Variants in IGSF5 observed in about 807,000 individuals in gnomAD.
IGSF5 encodes the protein immunoglobulin superfamily 5 like.
Under a neutral mutation model 39.4 loss-of-function variants are expected in IGSF5, and 41 were observed. The observed-to-expected ratio is 1.04, with a 90% CI of 0.81 to 1.35. IGSF5 has a LOEUF of 1.35. IGSF5 is among the 40% of genes most tolerant of loss of function. IGSF5 has a pLI of 0.00. For missense variants in IGSF5, 487 were observed against 494.6 expected (o/e 0.98, Z 0.15); for synonymous variants, 183 against 175.3 (o/e 1.04, Z -0.34).
chr21:39,720,948 A>G, the IGSF5 span, among the ~76,000 whole-genome samples: 313 of 152,318 alleles, frequency 2.1e-3, no homozygotes, highest in African/African-American at 6.8e-3. Context: ...AAAACCAACC[A>G]CAGCCACCCA....
At chr21:39,784,597 G>A (rs1037706409) in intron 5 of IGSF5, among the ~76,000 whole-genome samples, 3 of 152,156 alleles carry the variant, frequency 2.0e-5, no homozygotes, top group East Asian at 3.9e-4. Flanking sequence ...TTATAAGAGT[G>A]AACTGTCACC....
chr21:39,797,854 T>C (rs1041349278), intron 8 of IGSF5, among the ~76,000 whole-genome samples: 1 of 152,178 alleles, frequency 6.6e-6, no homozygotes, highest in Non-Finnish European at 1.5e-5. Context: ...CAATCAGTTA[T>C]GACAAAAATA....
At chr21:39,776,341 G>A (rs1333091708) in intron 4 of IGSF5, among the ~76,000 whole-genome samples, 2 of 151,986 alleles carry the variant, frequency 1.3e-5, no homozygotes, top group African/African-American at 4.8e-5. Flanking sequence ...GTGGATTAAA[G>A]GGAGACTTCA....
chr21:39,748,301 CTTTTTTTTTTTTTTTT>C (rs60669244), intron 2 of IGSF5, among the ~76,000 whole-genome samples: 2 of 58,216 alleles, frequency 3.4e-5, no homozygotes, highest in Non-Finnish European at 6.1e-5. Flanking sequence ...AAAACAAGAT[CTTTTTTTTTTTTTTTT>C]TTTTTTTTTT....
the IGSF5 span, among the ~76,000 whole-genome samples, chr21:39,718,754 T>C: frequency 6.6e-6 from 1 of 152,246 alleles, no homozygotes; most frequent in Admixed American, 6.5e-5. Context: ...GGTTTGCAAG[T>C]ACTTTGTTGA....
the IGSF5 span, chr21:39,729,363 G>C: frequency 6.6e-6 from 1 of 152,286 alleles, no homozygotes; most frequent in Admixed American, 6.5e-5. Flanking sequence ...TTCAAGGGGT[G>C]AGGTGAGGGG....
At chr21:39,775,504 T>G (rs2080135171) in intron 4 of IGSF5, among the ~76,000 whole-genome samples, 1 of 152,208 alleles carries the variant, frequency 6.6e-6, no homozygotes, top group South Asian at 2.1e-4. Context: ...TTTAAGAAAT[T>G]CTATACCTTT....
chr21:39,757,177 C>G (rs576267506), intron 2 of IGSF5, among the ~76,000 whole-genome samples: 223 of 152,280 alleles, frequency 1.5e-3, no homozygotes, highest in African/African-American at 5.3e-3. Flanking sequence ...TCTGACTACC[C>G]TGTTTGAAGT....
chr21:39,745,609 GA>G, intron 1 of IGSF5, 83 bp downstream of exon 1: 1 of 696,962 alleles, frequency 1.4e-6, no homozygotes, highest in Non-Finnish European at 2.6e-6. Flanking sequence ...GGGAGGTTGG[GA>G]CGACAGCTTT....
the IGSF5 span, among the ~76,000 whole-genome samples, chr21:39,740,028 G>A: frequency 6.6e-6 from 1 of 152,258 alleles, no homozygotes; most frequent in South Asian, 2.1e-4. Flanking sequence ...TGAAAGTTTT[G>A]GTGAGTGGTT....
chr21:39,768,411 A>G lies in IGSF5; in HGVS notation c.419-2505A>G, dbSNP rs544662196. On this transcript the variant is annotated intron_variant, in intron 3 of 8. Transcript: ENST00000380588. ...CTGAAATCCATGTGAATATTCTAGT[A>G]TCACTTTTGTATAAAGGGTTTGTCA... is the stretch of plus-strand genomic sequence containing the variant. Among the ~76,000 whole-genome samples the G allele has an allele frequency of 3.9e-5, 6 of 152,364 alleles. No individual in the cohort carries two copies. In the East Asian group the frequency reaches 1.2e-3, roughly 29 times the overall value.
chr21:39,799,133 A>G (rs144091146), intron 8 of IGSF5, among the ~76,000 whole-genome samples: 1 of 152,144 alleles, frequency 6.6e-6, no homozygotes, highest in Non-Finnish European at 1.5e-5. Flanking sequence ...GCTCATCTCC[A>G]CCTCTAAGCA....
chr21:39,731,469 T>G, the IGSF5 span, among the ~76,000 whole-genome samples: 1 of 152,128 alleles, frequency 6.6e-6, no homozygotes, highest in Non-Finnish European at 1.5e-5. Context: ...CTCTTGTGAT[T>G]TAGAGCAAAA....
chr21:39,715,995 G>T, the IGSF5 span, among the ~76,000 whole-genome samples: 2 of 152,164 alleles, frequency 1.3e-5, no homozygotes, highest in African/African-American at 4.8e-5. Flanking sequence ...GCCACCTGGC[G>T]GTTACAATGA....
the IGSF5 span, among the ~76,000 whole-genome samples, chr21:39,716,713 G>T: frequency 6.6e-6 from 1 of 152,194 alleles, no homozygotes; most frequent in Non-Finnish European, 1.5e-5. Flanking sequence ...ATTCTATGGT[G>T]TATATGTACC....
chr21:39,745,547 G>C lies in IGSF5; in HGVS notation c.17+21G>C. On this transcript the variant is annotated intron_variant, in intron 1 of 8. Coordinates refer to ENST00000380588, the MANE Select transcript of IGSF5 (RefSeq NM_001080444.2). ...GAAAGGTAAGGGCGCATGCGTGGGC[G>C]ACTGTTGAGTAGAGACTTCTGGCTG... is the stretch of plus-strand genomic sequence containing the variant. 4.2e-6 allele frequency: 3 copies of C among 716,854 alleles called. No individual in the cohort carries two copies. In the South Asian group the frequency reaches 4.4e-5, roughly 11 times the overall value. The allele number at this position is 716,854 out of a possible 1,614,324, so 44.4% of individuals were successfully genotyped here. A position where few individuals can be genotyped will look rare whatever the true frequency, so the allele number is the denominator to read the frequency against.
the IGSF5 span, among the ~76,000 whole-genome samples, chr21:39,711,844 T>C: frequency 2.8e-3 from 424 of 152,320 alleles, 3 homozygotes; most frequent in African/African-American, 9.5e-3. Flanking sequence ...GAAGCCTCTT[T>C]TTTAATGATT....
At chr21:39,754,822 G>T (rs1049273969) in intron 2 of IGSF5, among the ~76,000 whole-genome samples, 4 of 152,166 alleles carry the variant, frequency 2.6e-5, no homozygotes, top group African/African-American at 9.7e-5. Context: ...TCTGATTTCA[G>T]TTAAACTTGA....
chr21:39,762,208 G>A (rs2080064949), intron 2 of IGSF5, among the ~76,000 whole-genome samples: 2 of 152,188 alleles, frequency 1.3e-5, no homozygotes, highest in African/African-American at 2.4e-5. Flanking sequence ...TAAAGTGTTT[G>A]AAGAGATTTA....
Sources: gnomAD v4.1 joint callset for allele counts (sites outside exome capture counted in the v4.1 genomes callset) on GRCh38, gnomAD v4.1.1 for gene constraint, MANE v1.5 for transcripts, NCBI Gene and HGNC (gene_info 2026-07-23, HGNC 2026-07-21) for gene names.